The following CFAP20DC variants were observed in gnomAD, a reference collection of about 807,000 sequenced individuals.
CFAP20DC encodes the protein CFAP20 domain containing.
In CFAP20DC, 84 loss-of-function variants were observed where a neutral mutation model predicts 101.7. The observed-to-expected ratio is 0.83, with a 90% CI of 0.69 to 0.99. The LOEUF is 0.99. CFAP20DC is among the 50% of genes least tolerant of loss of function. The pLI is 0.00. For missense variants in CFAP20DC, 1,007 were observed against 970.3 expected (o/e 1.04, Z -0.50); for synonymous variants, 359 against 351.2 (o/e 1.02, Z -0.25).
chr3:58,778,219 G>C (rs9879668), intron 15 of CFAP20DC, among the ~76,000 whole-genome samples: 1 of 152,086 alleles, frequency 6.6e-6, no homozygotes, highest in African/African-American at 2.4e-5. Context: ...GGATCACCTC[G>C]TCCTTGTCTA....
intron 15 of CFAP20DC, 113 bp from the exon 16 acceptor site, chr3:58,753,976 C>T: frequency 1.5e-6 from 1 of 652,914 alleles, no homozygotes; most frequent in Non-Finnish European, 2.6e-6. Flanking sequence ...TTTTTTCCTC[C>T]TTCATATTTC....
At chr3:58,883,803 G>T (rs1203113834) in intron 7 of CFAP20DC, among the ~76,000 whole-genome samples, 1 of 152,020 alleles carries the variant, frequency 6.6e-6, no homozygotes, top group African/African-American at 2.4e-5. Context: ...AAAAATTTTT[G>T]ACATTAAAAA....
intron 4 of CFAP20DC, among the ~76,000 whole-genome samples, chr3:59,028,108 C>A (rs1005226790): frequency 6.6e-6 from 1 of 152,200 alleles, no homozygotes; most frequent in Non-Finnish European, 1.5e-5. Context: ...ACTCCCTTTG[C>A]TCCACATGCA....
chr3:58,823,138 C>T (rs1053837414), intron 14 of CFAP20DC, among the ~76,000 whole-genome samples: 3 of 152,086 alleles, frequency 2.0e-5, no homozygotes, highest in African/African-American at 7.2e-5. Context: ...TATAAAGACT[C>T]CTGTATCATG....
intron 4 of CFAP20DC, among the ~76,000 whole-genome samples, chr3:59,032,941 C>T (rs1326109293): frequency 6.6e-6 from 1 of 152,114 alleles, no homozygotes; most frequent in African/African-American, 2.4e-5. Flanking sequence ...ACACCTCATA[C>T]AGGAGAGCTC....
chr3:58,917,394 T>C (rs1180394065), intron 5 of CFAP20DC, among the ~76,000 whole-genome samples: 1 of 152,164 alleles, frequency 6.6e-6, no homozygotes, highest in Non-Finnish European at 1.5e-5. Flanking sequence ...ATAGAAAAGA[T>C]CTCAAGAAAT....
At chr3:58,949,947 A>G (rs1227179768) in intron 4 of CFAP20DC, among the ~76,000 whole-genome samples, 2 of 152,182 alleles carry the variant, frequency 1.3e-5, no homozygotes, top group African/African-American at 4.8e-5. Flanking sequence ...AAGGAAATAA[A>G]GGGCATTCAA....
intron 4 of CFAP20DC, among the ~76,000 whole-genome samples, chr3:59,009,483 A>G (rs77907296): frequency 0.017 from 2,305 of 135,546 alleles, 57 homozygotes; most frequent in African/African-American, 0.053. Flanking sequence ...AAACAATCAC[A>G]ACTTCTGGAA....
intron 6 of CFAP20DC, among the ~76,000 whole-genome samples, chr3:58,886,181 A>T (rs1349520135): frequency 6.6e-6 from 1 of 152,134 alleles, no homozygotes; most frequent in East Asian, 1.9e-4. Context: ...TTCTAAAATT[A>T]AAAAAATTAG....
chr3:58,816,509 C>T lies in CFAP20DC; in HGVS notation c.2176-10053G>A, dbSNP rs375107162. Reference sequence around the variant, plus strand: ...GCAAGGGGTCAGGGAGTTCCCTTTCCGAGTCAAAGAAAGGGGTGACGGACG... The same window carrying T: ...GCAAGGGGTCAGGGAGTTCCCTTTCTGAGTCAAAGAAAGGGGTGACGGACG... On this transcript the variant is annotated intron_variant, in intron 14 of 16. Coordinates refer to ENST00000482387, the MANE Select transcript of CFAP20DC (RefSeq NM_001394063.1). Among the ~76,000 whole-genome samples, 15 of 152,270 alleles carry T rather than the reference C, an allele frequency of 9.9e-5. 1 individual carries two copies. In the South Asian group the frequency reaches 1.0e-3, roughly 11 times the overall value.
chr3:58,865,453 T>G (rs1277830603), intron 11 of CFAP20DC, among the ~76,000 whole-genome samples: 2 of 152,166 alleles, frequency 1.3e-5, no homozygotes, highest in Non-Finnish European at 2.9e-5. Flanking sequence ...TTTCATATAT[T>G]GAGGGACATG....
chr3:59,046,846 C>A (rs952155274), intron 2 of CFAP20DC, among the ~76,000 whole-genome samples: 7 of 151,890 alleles, frequency 4.6e-5, no homozygotes, highest in Non-Finnish European at 2.9e-5. Flanking sequence ...TGAAGTAGAG[C>A]GGAAGAGGTT....
intron 4 of CFAP20DC, among the ~76,000 whole-genome samples, chr3:59,003,983 T>C (rs1057394088): frequency 1.3e-5 from 2 of 152,208 alleles, no homozygotes; most frequent in African/African-American, 2.4e-5. Context: ...CATACCTACT[T>C]TTGGTGCCCT....
rs536146292 is a variant in CFAP20DC at position 58,996,407 on chromosome 3, A to G, written c.278+43150T>C. Among the ~76,000 whole-genome samples the G allele has an allele frequency of 1.1e-4, 17 of 152,222 alleles. No individual in the cohort carries two copies. In the East Asian group the frequency reaches 1.7e-3, roughly 16 times the overall value. ...AGAAAAATATTTAAAACCTTTACCA[A>G]AAAAACAGCTGTGATTTATCTTGTT... On this transcript the variant is annotated intron_variant, in intron 4 of 16. Coordinates refer to ENST00000482387, the MANE Select transcript of CFAP20DC (RefSeq NM_001394063.1).
chr3:58,722,716 A>T lies in CFAP20DC; in HGVS notation c.198-5088T>A, dbSNP rs1187966709. 5.3e-5 allele frequency among the ~76,000 whole-genome samples: 8 copies of T among 152,130 alleles called. No individual in the cohort carries two copies. Among genetic ancestry groups the T allele is most frequent in the Non-Finnish European group, 1.2e-4 (8 of 68,018 alleles). Reference sequence around the variant, plus strand: ...CTGCCCGAGTCCTTATTTAATTGTTATTTTGGGATCAGTTGCTTTTGAAAG... The same window carrying T: ...CTGCCCGAGTCCTTATTTAATTGTTTTTTTGGGATCAGTTGCTTTTGAAAG... On this transcript the variant is annotated intron_variant, in intron 3 of 3. Transcript: ENST00000486145. This position sits in a 1 kb window ranked among gnomAD's most constrained non-coding sequence, Gnocchi z 4.5.
intron 4 of CFAP20DC, among the ~76,000 whole-genome samples, chr3:59,028,074 A>G (rs917390003): frequency 1.3e-5 from 2 of 152,226 alleles, no homozygotes; most frequent in Non-Finnish European, 2.9e-5. Flanking sequence ...ACTGCTCATC[A>G]TTCTATGTGT....
At chr3:58,879,980 T>C (rs1266465918) in intron 7 of CFAP20DC, among the ~76,000 whole-genome samples, 2 of 151,854 alleles carry the variant, frequency 1.3e-5, no homozygotes, top group African/African-American at 2.4e-5. Flanking sequence ...TAATTAAAAA[T>C]ATTGATATTA....
chr3:59,008,360 C>A (rs2093489750), intron 4 of CFAP20DC, among the ~76,000 whole-genome samples: 1 of 152,186 alleles, frequency 6.6e-6, no homozygotes, highest in Admixed American at 6.5e-5. Flanking sequence ...TCCCCAGCCA[C>A]ACTCATCAAG....
At chr3:58,811,378 C>T (rs542558745) in intron 14 of CFAP20DC, among the ~76,000 whole-genome samples, 6 of 152,078 alleles carry the variant, frequency 3.9e-5, no homozygotes, top group Non-Finnish European at 5.9e-5. Context: ...TGGAACAGAA[C>T]AGAGCCCTCA....
Sources: allele counts gnomAD v4.1 joint callset (sites outside exome capture counted in the v4.1 genomes callset), GRCh38; gene constraint gnomAD v4.1.1; non-coding constraint Gnocchi (gnomAD v3.1); transcripts MANE v1.5; gene names NCBI Gene and HGNC (gene_info 2026-07-23, HGNC 2026-07-21).